THAP9: variants seen among roughly 807,000 people sequenced by gnomAD.
The protein encoded by THAP9 is THAP domain containing 9, also known as DNA transposase THAP9.
Under a neutral mutation model 35.7 loss-of-function variants are expected in THAP9, and 20 were observed. The ratio of observed to expected loss-of-function variants is 0.56; its 90% CI spans 0.39 to 0.81. The LOEUF (loss-of-function observed/expected upper bound fraction) is 0.81. Ranked by LOEUF, THAP9 falls within the 40% of genes least tolerant of loss-of-function variation. THAP9 has a pLI of 0.00. For synonymous variants in THAP9, 335 were observed against 373.7 expected (o/e 0.90, Z 1.19); for missense variants, 870 against 1,047.4 (o/e 0.83, Z 2.34).
intron 4 of THAP9, chr4:82,910,103 A>C (rs1720811199): frequency 6.6e-6 from 1 of 152,092 alleles, no homozygotes; most frequent in South Asian, 2.1e-4. Flanking sequence ...CATTTCCCAT[A>C]GTTCTGCGTC....
chr4:82,901,183 C>T (rs1304309615), intron 1 of THAP9: 1 of 612,502 alleles, frequency 1.6e-6, no homozygotes, highest in East Asian at 3.5e-5. Context: ...AGTGAGGAGG[C>T]CGAAAGGGAA....
chr4:82,905,815 T>C, intron 2 of THAP9: 2 of 454,960 alleles, frequency 4.4e-6, no homozygotes, highest in Non-Finnish European at 8.8e-6. Context: ...TAAATTCTTA[T>C]ATTGTATCTT....
intron 4 of THAP9, among the ~76,000 whole-genome samples, chr4:82,913,593 AG>A (rs1314186451): frequency 3.9e-5 from 2 of 51,598 alleles, no homozygotes; most frequent in Non-Finnish European, 1.5e-4. Context: ...TTTTAGGTTC[AG>A]GGGTACATGT....
intron 4 of THAP9, among the ~76,000 whole-genome samples, chr4:82,915,313 G>A (rs1468586851): frequency 1.3e-5 from 2 of 152,116 alleles, no homozygotes; most frequent in Non-Finnish European, 2.9e-5. Flanking sequence ...CTGGAGTGCA[G>A]TGGCACAATC....
chr4:82,906,227 A>G, intron 2 of THAP9, 97 bp from the exon 3 acceptor site: 1 of 1,030,216 alleles, frequency 9.7e-7, no homozygotes, highest in Non-Finnish European at 1.4e-6. Context: ...AACTCTCCAC[A>G]GCAACCAGAT....
At chr4:82,908,054 A>G in intron 4 of THAP9, 119 bp downstream of exon 4, 1 of 1,077,588 alleles carries the variant, frequency 9.3e-7, no homozygotes, top group Non-Finnish European at 1.3e-6. Flanking sequence ...CATTTTACTT[A>G]TTAAGGCTAT....
At position 82,918,992 on chromosome 4, in the gene THAP9, C is replaced by A. The variant is rs1027781751; in HGVS notation, c.*68C>A. 2.6e-5 allele frequency: 34 copies of A among 1,316,796 alleles called. No individual in the cohort carries two copies. Among genetic ancestry groups the A allele is most frequent in the Admixed American group, 2.1e-4 (9 of 43,426 alleles). The allele number at this position is 1,316,796 out of a possible 1,614,324, so 81.6% of individuals were successfully genotyped here. On this transcript the variant is annotated 3_prime_UTR_variant, in exon 5 of 5. Transcript: ENST00000302236. ...CAACATTTTTTGAAGTTCAATTTACCATATTTTATAAATTGCGCATTCTGC... is the reference window on the plus strand; with the variant it reads ...CAACATTTTTTGAAGTTCAATTTACAATATTTTATAAATTGCGCATTCTGC...
In THAP9 at chr4:82,918,384, C is replaced by T. The variant is rs1405209527; in HGVS notation, c.2172C>T (p.Asn724=). ...NLICYAGYVA[N]KLSALLTCED... is the part of the protein sequence containing the mutation. ...TCTGTTATGCTGGTTATGTTGCAAA[C>T]AAGTTATCAGCTCTTTTAACTTGTG... The change falls in exon 5 of 5, where the codon AAC becomes AAT. Residue 724 remains asparagine, a synonymous_variant. Transcript: ENST00000302236. 6.2e-7 allele frequency: 1 copy of T among 1,614,034 alleles called. No individual in the cohort carries two copies. Among genetic ancestry groups the T allele is most frequent in the Non-Finnish European group, 8.5e-7 (1 of 1,179,994 alleles).
chr4:82,910,976 C>A (rs1184969561), intron 4 of THAP9, among the ~76,000 whole-genome samples: 1 of 152,060 alleles, frequency 6.6e-6, no homozygotes, highest in African/African-American at 2.4e-5. Flanking sequence ...TGGGCTCTTC[C>A]ATGGAGTTTT....
intron 4 of THAP9, among the ~76,000 whole-genome samples, chr4:82,908,287 T>A (rs1192270929): frequency 2.0e-5 from 3 of 152,194 alleles, no homozygotes; most frequent in African/African-American, 7.2e-5. Context: ...ATATTGGAAT[T>A]TCTAGTATAC....
intron 4 of THAP9, among the ~76,000 whole-genome samples, chr4:82,913,752 CAG>C (rs761497055): frequency 4.0e-5 from 6 of 151,182 alleles, no homozygotes; most frequent in Admixed American, 4.0e-4. Flanking sequence ...TTTTTTGAGA[CAG>C]AGTTTCGCTC....
rs1269605495 is a variant in THAP9 at position 82,918,508 on chromosome 4, G to A, written c.2296G>A (p.Glu766Lys). The A allele has an allele frequency of 6.2e-7, 1 of 1,614,174 alleles. No homozygotes were observed. The highest frequency in any genetic ancestry group is 1.1e-5 in the South Asian group (1 of 91,080). The stretch of plus-strand genomic sequence containing the variant: ...GAAGAATGGTTTGCATTTTCCTTCA[G>A]AAAGTCTGTGTCGGGTCATAAATAT... ...KKKNGLHFPS[E>K]SLCRVINICE... Residue 766 changes from glutamate to lysine, a missense_variant, in exon 5 of 5, where the codon GAA becomes AAA. Physicochemically the swap from Glu to Lys is moderately conservative, Grantham distance 56. Coordinates refer to ENST00000302236, the MANE Select transcript of THAP9 (RefSeq NM_024672.6).
chr4:82,910,680 A>C, intron 4 of THAP9: 1 of 564,658 alleles, frequency 1.8e-6, no homozygotes, highest in Non-Finnish European at 2.9e-6. Flanking sequence ...TTTATTCAAT[A>C]AATATTTATT....
chr4:82,908,515 T>C (rs1424898449), intron 4 of THAP9, among the ~76,000 whole-genome samples: 2 of 152,240 alleles, frequency 1.3e-5, no homozygotes, highest in Non-Finnish European at 2.9e-5. Flanking sequence ...CAAATAACAA[T>C]GATTTTCTAG....
At chr4:82,901,612 A>G (rs902877392) in intron 1 of THAP9, among the ~76,000 whole-genome samples, 1 of 152,160 alleles carries the variant, frequency 6.6e-6, no homozygotes, top group African/African-American at 2.4e-5. Context: ...GTGCAAATAT[A>G]GAGGAGTGGA....
Position 82,900,750 on chromosome 4 carries a change from G to A in THAP9, c.-53G>A. 12 of 1,595,990 alleles carry A rather than the reference G, an allele frequency of 7.5e-6. No individual in the cohort carries two copies. The highest frequency in any genetic ancestry group is 4.5e-5 in the East Asian group (2 of 44,792). Reference sequence around the variant, plus strand: ...GTCAACGGGCGGAGCTAAAGTGGTCGTGATTCATGCTGTCGCGGGAACCCC... The same window carrying A: ...GTCAACGGGCGGAGCTAAAGTGGTCATGATTCATGCTGTCGCGGGAACCCC... On this transcript the variant is annotated 5_prime_UTR_variant, in exon 1 of 5. The change creates a new upstream start codon in the 5' untranslated region. Coordinates refer to ENST00000302236, the MANE Select transcript of THAP9 (RefSeq NM_024672.6).
intron 1 of THAP9, chr4:82,901,220 T>C (rs1421638220): frequency 1.8e-6 from 1 of 546,614 alleles, no homozygotes; most frequent in Admixed American, 2.2e-5. Context: ...GGTTGAAGTG[T>C]GTGTGTGGCG....
At chr4:82,906,232 C>T in intron 2 of THAP9, 92 bp from the exon 3 acceptor site, 4 of 1,064,266 alleles carry the variant, frequency 3.8e-6, no homozygotes, top group Non-Finnish European at 5.3e-6. Context: ...TCCACAGCAA[C>T]CAGATTAGTG....
chr4:82,912,270 TG>T lies in THAP9; in HGVS notation c.731+4336del, dbSNP rs1476833581. ...TGTGATCTTGGTCATAGATAGAAAA[TG>T]CTGGCACAGTTGCTCTTTATTTATA... On this transcript the variant is annotated intron_variant, in intron 4 of 4. Coordinates refer to ENST00000302236, the MANE Select transcript of THAP9 (RefSeq NM_024672.6). Among the ~76,000 whole-genome samples the T allele has an allele frequency of 4.6e-5, 7 of 152,328 alleles. 1 individual carries two copies. The highest frequency in any genetic ancestry group is 1.7e-4 in the African/African-American group (7 of 41,578).
Sources: gnomAD v4.1 joint callset for allele counts (sites outside exome capture counted in the v4.1 genomes callset) on GRCh38, gnomAD v4.1.1 for gene constraint, MANE v1.5 for transcripts, NCBI Gene and HGNC (gene_info 2026-07-23, HGNC 2026-07-21) for gene names.